CENPA: variants seen among roughly 807,000 people sequenced by gnomAD.
CENPA encodes the protein histone H3-like centromeric protein A.
CENPA carries 7 observed loss-of-function variants against 17.2 expected under a neutral mutation model. The observed-to-expected ratio is 0.41, with a 90% CI of 0.23 to 0.76. The LOEUF is 0.76. Among genes scored for constraint, CENPA ranks in the 30% least tolerant of loss-of-function variants. The pLI is 0.34. For synonymous variants in CENPA, 82 were observed against 77.4 expected, an observed-to-expected ratio of 1.06 and a Z score of -0.31; for missense variants, 149 against 193.1, an observed-to-expected ratio of 0.77 and a Z score of 1.35.
intron 1 of CENPA, among the ~76,000 whole-genome samples, chr2:26,789,198 G>A (rs1339491016): frequency 6.6e-6 from 1 of 152,032 alleles, no homozygotes; most frequent in Non-Finnish European, 1.5e-5. Flanking sequence ...TAATCTGCTT[G>A]AACTACTCCT....
At chr2:26,792,921 A>AT (rs1572642485) in intron 3 of CENPA, 88 bp downstream of exon 3, 4 of 1,341,308 alleles carry the variant, frequency 3.0e-6, no homozygotes, top group East Asian at 2.3e-5. Flanking sequence ...GGAGTGTCAC[A>AT]TGCTGAATCT....
intron 1 of CENPA, among the ~76,000 whole-genome samples, chr2:26,787,640 C>T (rs1327608299): frequency 6.6e-6 from 1 of 152,038 alleles, no homozygotes; most frequent in Non-Finnish European, 1.5e-5. Context: ...CTCAGCCTCC[C>T]GAGTAGCTGG....
intron 2 of CENPA, 29 bp downstream of exon 2, chr2:26,792,269 C>T (rs1484884352): frequency 1.3e-6 from 2 of 1,547,546 alleles, no homozygotes; most frequent in Non-Finnish European, 1.8e-6. Flanking sequence ...CCACCAACCC[C>T]TATGCCACCC....
At position 26,789,716 on chromosome 2, in the gene CENPA, G is replaced by A. The variant is rs903445608; in HGVS notation, c.101-2415G>A. On this transcript the variant is annotated intron_variant, in intron 1 of 4. Transcript: ENST00000335756. ...CAAACCACAAGCCTGGGAGACCCCC[G>A]TCTCCAATACAAATGCAGGTCCAGA... Among the ~76,000 whole-genome samples the A allele has an allele frequency of 7.9e-5, 12 of 152,102 alleles. No homozygotes were observed. The South Asian group carries it at 8.3e-4, about 11-fold the overall frequency.
intron 1 of CENPA, 92 bp downstream of exon 1, chr2:26,786,388 C>T (rs1363496318): frequency 7.9e-7 from 1 of 1,261,072 alleles, no homozygotes; most frequent in Non-Finnish European, 1.0e-6. Flanking sequence ...TGGCACTTCC[C>T]TGTTGGGGGA....
At chr2:26,786,893 C>A (rs1035052711) in intron 1 of CENPA, among the ~76,000 whole-genome samples, 2 of 152,216 alleles carry the variant, frequency 1.3e-5, no homozygotes, top group Admixed American at 1.3e-4. Context: ...GAGCTTGTGT[C>A]CGGGAAAAGG....
chr2:26,789,946 C>G (rs1664585127), intron 1 of CENPA, among the ~76,000 whole-genome samples: 1 of 152,220 alleles, frequency 6.6e-6, no homozygotes, highest in South Asian at 2.1e-4. Flanking sequence ...GCATAAAACT[C>G]TTCCCTGGCT....
intron 1 of CENPA, among the ~76,000 whole-genome samples, chr2:26,788,752 C>A (rs1046060832): frequency 6.6e-6 from 1 of 152,096 alleles, no homozygotes; most frequent in Non-Finnish European, 1.5e-5. Flanking sequence ...CTCGGCTTAC[C>A]GCAACCTCTA....
chr2:26,792,944 A>G, intron 3 of CENPA, 111 bp downstream of exon 3: 1 of 1,268,188 alleles, frequency 7.9e-7, no homozygotes, highest in Non-Finnish European at 1.1e-6. Flanking sequence ...CCTCTGGAAA[A>G]GAACAATGAG....
chr2:26,786,549 G>GCGCCCAC (rs571457821), intron 1 of CENPA, among the ~76,000 whole-genome samples: 2 of 152,200 alleles, frequency 1.3e-5, no homozygotes, highest in African/African-American at 2.4e-5. Context: ...TGGTTACCCA[G>GCGCCCAC]CGCCCACCGC....
chr2:26,787,880 C>T (rs944092587), intron 1 of CENPA, among the ~76,000 whole-genome samples: 1 of 151,842 alleles, frequency 6.6e-6, no homozygotes, highest in Non-Finnish European at 1.5e-5. Context: ...TTTAAGTAGA[C>T]TATTATGTCA....
intron 1 of CENPA, among the ~76,000 whole-genome samples, chr2:26,788,511 T>G (rs2148066078): frequency 6.6e-6 from 1 of 152,244 alleles, no homozygotes; most frequent in East Asian, 1.9e-4. Context: ...TGGCCTTGAC[T>G]AGGTGTCCCC....
At chr2:26,792,664 T>C in intron 2 of CENPA, 92 bp from the exon 3 acceptor site, 1 of 1,102,956 alleles carries the variant, frequency 9.1e-7, no homozygotes, top group Non-Finnish European at 1.4e-6. Context: ...GAAAGGAAGA[T>C]TCACTGGAAC....
At position 26,793,986 on chromosome 2, in the gene CENPA, T is replaced by C. The variant is rs1664669375; in HGVS notation, c.*222T>C. ...GTAACAGAGGTAATATATGAGACAATCAACACCGTTCCAAAGGCCTGAAAA... is the reference window on the plus strand; with the variant it reads ...GTAACAGAGGTAATATATGAGACAACCAACACCGTTCCAAAGGCCTGAAAA... On this transcript the variant is annotated 3_prime_UTR_variant, in exon 5 of 5. Transcript: ENST00000335756. 4 of 152,156 alleles carry C rather than the reference T, an allele frequency of 2.6e-5. No individual in the cohort carries two copies. The South Asian group carries it at 8.3e-4, about 31-fold the overall frequency. 9.4% of individuals were successfully genotyped at this position (152,156 alleles called of 1,614,324 possible).
In CENPA at chr2:26,794,366, T is replaced by C. The variant is rs1664676665; in HGVS notation, c.*602T>C. On this transcript the variant is annotated 3_prime_UTR_variant, in exon 5 of 5. Transcript: ENST00000335756. ...AGCTTTTCAGAAACTTAATTGGGGA[T>C]GAATAGAAAACCTGTAAGCTTTGAT... 6.6e-6 allele frequency: 1 copy of C among 152,230 alleles called. No individual in the cohort carries two copies. The highest frequency in any genetic ancestry group is 1.5e-5 in the Non-Finnish European group (1 of 68,044). The allele number at this position is 152,230 out of a possible 1,614,324, so 9.4% of individuals were successfully genotyped here.
intron 1 of CENPA, among the ~76,000 whole-genome samples, chr2:26,790,077 T>G (rs1664587741): frequency 6.6e-6 from 1 of 152,228 alleles, no homozygotes; most frequent in African/African-American, 2.4e-5. Flanking sequence ...CATAACCACT[T>G]GTTCTTGGGT....
At chr2:26,788,836 C>G (rs533771446) in intron 1 of CENPA, among the ~76,000 whole-genome samples, 3 of 152,200 alleles carry the variant, frequency 2.0e-5, no homozygotes, top group Non-Finnish European at 1.5e-5. Context: ...CCACCGCATC[C>G]GGCTAATTTT....
chr2:26,788,908 C>T (rs1230349188), intron 1 of CENPA, among the ~76,000 whole-genome samples: 1 of 152,190 alleles, frequency 6.6e-6, no homozygotes, highest in Non-Finnish European at 1.5e-5. Context: ...CTGCCAACCT[C>T]AAGTGATCCG....
chr2:26,792,309 G>A (rs1354394394), intron 2 of CENPA, 69 bp downstream of exon 2: 5 of 1,209,546 alleles, frequency 4.1e-6, no homozygotes, highest in African/African-American at 1.5e-5. Flanking sequence ...CAGGTATTAG[G>A]GACCCTACTG....
Sources: gnomAD v4.1 joint callset for allele counts (sites outside exome capture counted in the v4.1 genomes callset) on GRCh38, gnomAD v4.1.1 for gene constraint, MANE v1.5 for transcripts, NCBI Gene and HGNC (gene_info 2026-07-23, HGNC 2026-07-21) for gene names.